The following PKD2L1 variants were observed in gnomAD, a reference collection of about 807,000 sequenced individuals.
The protein encoded by PKD2L1 is polycystin 2 like 1, transient receptor potential cation channel, also known as polycystin-2-like protein 1.
In PKD2L1, 77 loss-of-function variants were observed where a neutral mutation model predicts 93.0. The ratio of observed to expected loss-of-function variants is 0.83; its 90% CI spans 0.69 to 1.00. The LOEUF is 1.00. Ranked by LOEUF, PKD2L1 falls within the 50% of genes least tolerant of loss-of-function variation. The pLI, the probability that PKD2L1 is intolerant of heterozygous loss-of-function variation, is 0.00. For missense variants in PKD2L1, 977 were observed against 990.9 expected, an observed-to-expected ratio of 0.99 and a Z score of 0.19; for synonymous variants, 390 against 388.0, an observed-to-expected ratio of 1.01 and a Z score of -0.06.
chr10:100,322,684 A>G (rs1245793978), intron 2 of PKD2L1, among the ~76,000 whole-genome samples: 1 of 152,260 alleles, frequency 6.6e-6, no homozygotes, highest in Non-Finnish European at 1.5e-5. Flanking sequence ...AAGAAAGAAT[A>G]GTAGTTAGCT....
rs902031063 is a variant in PKD2L1 at position 100,288,545 on chromosome 10, T to C, written c.2336-67A>G. Reference sequence around the variant, plus strand: ...TCTTGGGATGCACAAAGGATAAGAATAGGATTCACTGGGAAGTAGGAAGAC... The same window carrying C: ...TCTTGGGATGCACAAAGGATAAGAACAGGATTCACTGGGAAGTAGGAAGAC... On this transcript the variant is annotated intron_variant, in intron 15 of 15. Coordinates refer to ENST00000318222, the MANE Select transcript of PKD2L1 (RefSeq NM_016112.3). 5 of 953,844 alleles carry C rather than the reference T, an allele frequency of 5.2e-6. No homozygotes were observed. The Admixed American group carries it at 6.9e-5, about 13-fold the overall frequency. 59.1% of individuals were successfully genotyped at this position (953,844 alleles called of 1,614,324 possible).
Position 100,298,570 on chromosome 10 carries a change from A to ATTGAAGGG in PKD2L1, c.715_722dup (p.Gly242ProfsTer80). The ATTGAAGGG allele has an allele frequency of 6.2e-7, 1 of 1,614,152 alleles. No homozygotes were observed. Among genetic ancestry groups the ATTGAAGGG allele is most frequent in the East Asian group, 2.2e-5 (1 of 44,880 alleles). Reference sequence around the variant, plus strand: ...AGGACAGGCTCACTCACGCTGTGCCATTGAAGGGCCCAAAGGGGAGTTGTT... The same window carrying ATTGAAGGG: ...AGGACAGGCTCACTCACGCTGTGCCATTGAAGGGTTGAAGGGCCCAAAGGGGAGTTGTT... On this transcript the variant is annotated frameshift_variant, in exon 4 of 16. Transcript: ENST00000318222. LOFTEE classifies it high-confidence loss of function.
In PKD2L1 at chr10:100,297,587, C is replaced by T. The variant is rs1364177359; in HGVS notation, c.751G>A (p.Asp251Asn). ...CAGTGGGAGAAGCCCCCCAACTCAT[C>T]CTGCGAGTGGTATGTCCACCTGCCA... ...NGTAWTYHSQ[D>N]ELGGFSHWGR... is the part of the protein sequence containing the mutation. The change falls in exon 5 of 16, where the codon GAT (aspartate) becomes AAT (asparagine). Residue 251 changes from aspartate (D) to asparagine (N), a missense_variant. By Grantham distance (23) the Asp-to-Asn change is conservative. Coordinates refer to ENST00000318222, the MANE Select transcript of PKD2L1 (RefSeq NM_016112.3). 18 of 1,613,472 alleles carry T rather than the reference C, an allele frequency of 1.1e-5. No individual in the cohort carries two copies. The highest frequency in any genetic ancestry group is 1.5e-5 in the Non-Finnish European group (18 of 1,179,834).
intron 1 of PKD2L1, 103 bp from the exon 2 acceptor site, chr10:100,329,427 C>T: frequency 2.0e-6 from 3 of 1,499,458 alleles, no homozygotes; most frequent in East Asian, 2.3e-5. Flanking sequence ...CACCCCTGCC[C>T]TTCCTTGCCC....
At chr10:100,295,487 T>C (rs1232144484) in intron 7 of PKD2L1, among the ~76,000 whole-genome samples, 11 of 147,604 alleles carry the variant, frequency 7.5e-5, no homozygotes, top group African/African-American at 1.3e-4. Context: ...ATCCCAGCAC[T>C]TTGGGAGGCT....
chr10:100,296,368 G>A, intron 6 of PKD2L1, 76 bp from the exon 7 acceptor site: 2 of 1,239,476 alleles, frequency 1.6e-6, no homozygotes, highest in Non-Finnish European at 2.2e-6. Context: ...AGGCCCCAAG[G>A]GAGAGTCAGG....
chr10:100,307,784 G>A (rs113272417), intron 2 of PKD2L1, among the ~76,000 whole-genome samples: 2 of 152,178 alleles, frequency 1.3e-5, no homozygotes. Flanking sequence ...ACCACTGGGC[G>A]TGTCAGCAAA....
intron 2 of PKD2L1, among the ~76,000 whole-genome samples, chr10:100,322,334 C>G (rs897736364): frequency 6.6e-6 from 1 of 152,158 alleles, no homozygotes; most frequent in African/African-American, 2.4e-5. Flanking sequence ...CCAGACCAGC[C>G]TGGGCAACAC....
intron 12 of PKD2L1, among the ~76,000 whole-genome samples, chr10:100,290,961 G>T (rs1262063791): frequency 1.3e-5 from 2 of 152,138 alleles, no homozygotes; most frequent in Admixed American, 1.3e-4. Context: ...AGTGATTCTT[G>T]GGCAGTTGGT....
chr10:100,295,069 C>T lies in PKD2L1; in HGVS notation c.1411G>A (p.Ala471Thr), dbSNP rs745525117. The T allele has an allele frequency of 6.2e-7, 1 of 1,613,948 alleles. No homozygotes were observed. Among genetic ancestry groups the T allele is most frequent in the East Asian group, 2.2e-5 (1 of 44,900 alleles). ...KTMTQLSSTL[A>T]RCAKDILGFA... ...CCCAGGATGTCCTTGGCACAGCGGG[C>T]CAGCGTGGAGGAGAGCTGGGTCATG... Residue 471 changes from alanine to threonine, a missense_variant, in exon 8 of 16, where the codon GCC becomes ACC. Physicochemically the swap from Ala to Thr is moderately conservative, Grantham distance 58 (BLOSUM62 0). Coordinates refer to ENST00000318222, the MANE Select transcript of PKD2L1 (RefSeq NM_016112.3).
In PKD2L1 at chr10:100,321,754, A is replaced by G. The variant is rs1239451271; in HGVS notation, c.349+7457T>C. 4.4e-3 allele frequency among the ~76,000 whole-genome samples: 16 copies of G among 3,620 alleles called. 1 individual carries two copies. The highest frequency in any genetic ancestry group is 5.9e-3 in the Admixed American group (2 of 340). 2.4% of individuals were successfully genotyped at this position (3,620 alleles called of 152,430 possible). The stretch of plus-strand genomic sequence containing the variant: ...AAGAAAGAAAGAAAGAAAGAAAGAA[A>G]GAAGGGAGGGAGGGAGGGAGGGAGG... On this transcript the variant is annotated intron_variant, in intron 2 of 15. Coordinates refer to ENST00000318222, the MANE Select transcript of PKD2L1 (RefSeq NM_016112.3).
In PKD2L1 at chr10:100,330,020, G is replaced by T. The variant is rs765192326; in HGVS notation, c.84C>A (p.Pro28=). The stretch of plus-strand genomic sequence containing the variant: ...CTCTCAGCGTCCCGTGTGGGGAAGG[G>T]GGACCACTGTAGGCGGGGTTGTCCC... ...GAWDNPAYSG[P]PSPHGTLRVC... The change falls in exon 1 of 16, where the codon CCC becomes CCA. Residue 28 remains proline, a synonymous_variant. Transcript: ENST00000318222. The T allele has an allele frequency of 1.1e-5, 18 of 1,613,512 alleles. No individual in the cohort carries two copies. The highest frequency in any genetic ancestry group is 1.4e-5 in the Non-Finnish European group (17 of 1,179,710).
intron 2 of PKD2L1, among the ~76,000 whole-genome samples, chr10:100,328,678 T>C (rs140576340): frequency 0.012 from 1,864 of 151,110 alleles, 23 homozygotes; most frequent in African/African-American, 0.042. Context: ...CACTGCAACC[T>C]CTGCTCCTGG....
Position 100,294,954 on chromosome 10 carries a change from A to G in PKD2L1, c.1526T>C (p.Phe509Ser). The change falls in exon 8 of 16, where the codon TTC (phenylalanine) becomes TCC (serine). Residue 509 changes from phenylalanine to serine, a missense_variant. Physicochemically the swap from Phe to Ser is radical, Grantham distance 155. Coordinates refer to ENST00000318222, the MANE Select transcript of PKD2L1 (RefSeq NM_016112.3). ...FGTQVENFST[F>S]IKCIFTQFRI... ...ACAGGACACACACATGCACTTGATG[A>G]AAGTGCTAAAGTTTTCCACTTGGGT... 2 of 1,613,452 alleles carry G rather than the reference A, an allele frequency of 1.2e-6. No individual in the cohort carries two copies. Among genetic ancestry groups the G allele is most frequent in the Non-Finnish European group, 1.7e-6 (2 of 1,179,576 alleles).
At position 100,308,525 on chromosome 10, in the gene PKD2L1, G is replaced by A. The variant is rs777034984; in HGVS notation, c.350-8807C>T. Among the ~76,000 whole-genome samples, 27 of 152,000 alleles carry A rather than the reference G, an allele frequency of 1.8e-4. 1 individual carries two copies. Among genetic ancestry groups the A allele is most frequent in the Non-Finnish European group, 3.8e-4 (26 of 68,004 alleles). On this transcript the variant is annotated intron_variant, in intron 2 of 15. Coordinates refer to ENST00000318222, the MANE Select transcript of PKD2L1 (RefSeq NM_016112.3). ...AATTTTTGTATTTTTAATAGAGATG[G>A]GGCTTCACCATGTTGACCAGGCTAG...
intron 2 of PKD2L1, among the ~76,000 whole-genome samples, chr10:100,321,671 GAAAGAAAGAAAGAAAGAAAGAAAGAA>G (rs1849233261): frequency 1.3e-3 from 1 of 790 alleles, no homozygotes; most frequent in African/African-American, 2.6e-3. Context: ...AGAAAAGAAA[GAAAGAAAGAAAGAAAGAAAGAAAGAA>G]AGAAAGAAAG....
chr10:100,315,107 A>G lies in PKD2L1; in HGVS notation c.349+14104T>C, dbSNP rs929406887. Among the ~76,000 whole-genome samples, 2 of 142,810 alleles carry G rather than the reference A, an allele frequency of 1.4e-5. 1 individual carries two copies. The highest frequency in any genetic ancestry group is 4.4e-4 in the South Asian group (2 of 4,536). 93.7% of individuals were successfully genotyped at this position (142,810 alleles called of 152,430 possible). On this transcript the variant is annotated intron_variant, in intron 2 of 15. Transcript: ENST00000318222. ...AAGGGAAGGGAAGGGAAGGGAAGGG[A>G]AGGGAAGGGAAGAGAAAACAGTTGA... is the stretch of plus-strand genomic sequence containing the variant.
At chr10:100,305,684 T>C (rs1336404455) in intron 2 of PKD2L1, among the ~76,000 whole-genome samples, 1 of 152,020 alleles carries the variant, frequency 6.6e-6, no homozygotes, top group Non-Finnish European at 1.5e-5. Flanking sequence ...CAGAACTCAG[T>C]CTCTCTAATA....
chr10:100,296,048 A>T, intron 7 of PKD2L1, 74 bp downstream of exon 7: 4 of 1,362,760 alleles, frequency 2.9e-6, no homozygotes, highest in Non-Finnish European at 4.1e-6. Flanking sequence ...AAAAAAAAAA[A>T]GAAAAAAAAG....
Sources: allele counts gnomAD v4.1 joint callset (sites outside exome capture counted in the v4.1 genomes callset), GRCh38; gene constraint gnomAD v4.1.1; transcripts MANE v1.5; gene names NCBI Gene and HGNC (gene_info 2026-07-23, HGNC 2026-07-21).